The following FMN2 variants were observed in gnomAD, a reference collection of about 807,000 sequenced individuals.
FMN2 encodes the protein formin 2, also known as formin-2.
Under a neutral mutation model 142.3 loss-of-function variants are expected in FMN2, and 51 were observed. That is an observed-to-expected ratio of 0.36 (90% CI 0.29 to 0.45). The LOEUF (loss-of-function observed/expected upper bound fraction) is 0.45. FMN2 is among the 20% of genes least tolerant of loss of function. FMN2 has a pLI of 1.00. For synonymous variants in FMN2, 882 were observed against 869.8 expected (o/e 1.01, Z -0.25); for missense variants, 1,936 against 2,122.8 (o/e 0.91, Z 1.73).
chr1:240,177,805 A>G, intron 2 of FMN2, 116 bp from the exon 3 acceptor site: 1 of 809,486 alleles, frequency 1.2e-6, no homozygotes, highest in South Asian at 3.8e-5. Context: ...AATGTTTCAT[A>G]TATGTATGCA....
At chr1:240,201,798 T>A (rs1393147964) in intron 4 of FMN2, among the ~76,000 whole-genome samples, 1 of 152,208 alleles carries the variant, frequency 6.6e-6, no homozygotes, top group African/African-American at 2.4e-5. Context: ...TCAGACCTTT[T>A]GCAGGAACTG....
rs182556201 is a variant in FMN2, at chr1:240,324,054, C to T, written c.4216-5022C>T. Among the ~76,000 whole-genome samples, 126 of 152,288 alleles carry T rather than the reference C, an allele frequency of 8.3e-4. 1 individual carries two copies. The highest frequency in any genetic ancestry group is 2.7e-3 in the African/African-American group (114 of 41,570). Reference sequence around the variant, plus strand: ...TTTGTCTGCCTCCTGTTTGGGCTGCCTGAAGGCAAGAGTTGGGATTTGCTA... The same window carrying T: ...TTTGTCTGCCTCCTGTTTGGGCTGCTTGAAGGCAAGAGTTGGGATTTGCTA... On this transcript the variant is annotated intron_variant, in intron 8 of 17. Coordinates refer to ENST00000319653, the MANE Select transcript of FMN2 (RefSeq NM_020066.5).
chr1:240,117,475 T>C (rs1485309059), intron 1 of FMN2, among the ~76,000 whole-genome samples: 4 of 152,204 alleles, frequency 2.6e-5, no homozygotes. Flanking sequence ...TGGTTTCACC[T>C]GACAAGCGTG....
chr1:240,240,134 C>T (rs1036612485), intron 6 of FMN2, among the ~76,000 whole-genome samples: 6 of 152,132 alleles, frequency 3.9e-5, no homozygotes, highest in African/African-American at 1.4e-4. Context: ...GAAAATGAGG[C>T]ATCGTGTGTC....
intron 2 of FMN2, among the ~76,000 whole-genome samples, chr1:240,161,313 C>T (rs929829421): frequency 1.3e-5 from 2 of 151,878 alleles, no homozygotes; most frequent in African/African-American, 2.4e-5. Context: ...AGGCGGAATA[C>T]GAGGTCAGGA....
chr1:240,290,345 G>T (rs1669737854), intron 7 of FMN2, among the ~76,000 whole-genome samples: 1 of 152,144 alleles, frequency 6.6e-6, no homozygotes, highest in Non-Finnish European at 1.5e-5. Context: ...TACCGGTGGA[G>T]CAAGTTCGTA....
chr1:240,406,549 T>C (rs1158658780), intron 15 of FMN2, among the ~76,000 whole-genome samples: 3 of 152,226 alleles, frequency 2.0e-5, no homozygotes, highest in Non-Finnish European at 4.4e-5. Flanking sequence ...GAAACTTCTG[T>C]ATCTCCATTT....
At chr1:240,255,342 C>T (rs899734379) in intron 6 of FMN2, among the ~76,000 whole-genome samples, 2 of 152,134 alleles carry the variant, frequency 1.3e-5, no homozygotes. Flanking sequence ...TCTAGTCAGC[C>T]ATCTTGAAAC....
At chr1:240,439,814 T>C (rs1301379508) in intron 16 of FMN2, among the ~76,000 whole-genome samples, 1 of 105,238 alleles carries the variant, frequency 9.5e-6, no homozygotes, top group Non-Finnish European at 1.9e-5. Context: ...GTTTGGAAGA[T>C]TGTAAAGAGG....
chr1:240,422,776 T>G (rs141570350), intron 15 of FMN2, among the ~76,000 whole-genome samples: 317 of 152,318 alleles, frequency 2.1e-3, no homozygotes, highest in African/African-American at 7.5e-3. Flanking sequence ...AAATATACGC[T>G]GACTATAATG....
chr1:240,147,924 G>A (rs907994205), intron 2 of FMN2, among the ~76,000 whole-genome samples: 5 of 152,174 alleles, frequency 3.3e-5, no homozygotes, highest in African/African-American at 4.8e-5. Flanking sequence ...AGCCAGATTC[G>A]GGAAAGTCTT....
At chr1:240,398,637 C>A (rs1253883882) in intron 15 of FMN2, among the ~76,000 whole-genome samples, 1 of 152,168 alleles carries the variant, frequency 6.6e-6, no homozygotes, top group Non-Finnish European at 1.5e-5. Flanking sequence ...TCTCAGCAGT[C>A]CTATGTAACC....
At chr1:240,261,282 C>T (rs1668618784) in intron 7 of FMN2, among the ~76,000 whole-genome samples, 1 of 151,446 alleles carries the variant, frequency 6.6e-6, no homozygotes, top group African/African-American at 2.4e-5. Context: ...TCCAGTTACC[C>T]TCTCAGTATC....
chr1:240,157,963 T>TC (rs1165100191), intron 2 of FMN2, among the ~76,000 whole-genome samples: 1 of 139,370 alleles, frequency 7.2e-6, no homozygotes, highest in African/African-American at 2.8e-5. Flanking sequence ...ATAGTCAGAC[T>TC]CTGTCTCTAC....
chr1:240,225,199 C>G (rs1667255776), intron 6 of FMN2, among the ~76,000 whole-genome samples: 1 of 152,162 alleles, frequency 6.6e-6, no homozygotes, highest in African/African-American at 2.4e-5. Context: ...AAGCTGTGTA[C>G]ATACCCAAGG....
chr1:240,213,629 G>C (rs966487011), intron 6 of FMN2, among the ~76,000 whole-genome samples: 1 of 152,080 alleles, frequency 6.6e-6, no homozygotes, highest in Non-Finnish European at 1.5e-5. Context: ...CAGACATTTT[G>C]GTACCTTATG....
chr1:240,196,518 G>A (rs1347997500), intron 4 of FMN2, among the ~76,000 whole-genome samples: 2 of 151,980 alleles, frequency 1.3e-5, no homozygotes, highest in African/African-American at 2.4e-5. Flanking sequence ...TGGTTTGTTT[G>A]TTTTTGTTTT....
chr1:240,276,316 T>A (rs1189918857), intron 7 of FMN2, among the ~76,000 whole-genome samples: 1 of 152,190 alleles, frequency 6.6e-6, no homozygotes, highest in Non-Finnish European at 1.5e-5. Flanking sequence ...ATATGATATT[T>A]TATTATAGAG....
At chr1:240,191,490 TTA>T (rs1665696076) in intron 4 of FMN2, among the ~76,000 whole-genome samples, 1 of 152,254 alleles carries the variant, frequency 6.6e-6, no homozygotes, top group Non-Finnish European at 1.5e-5. Context: ...CACTTACTGA[TTA>T]TTTTAATTTC....
Sources: gnomAD v4.1 joint callset for allele counts (sites outside exome capture counted in the v4.1 genomes callset) on GRCh38, gnomAD v4.1.1 for gene constraint, MANE v1.5 for transcripts, NCBI Gene and HGNC (gene_info 2026-07-23, HGNC 2026-07-21) for gene names.